Variants in SYT14 observed in about 807,000 individuals in gnomAD.
The protein encoded by SYT14 is synaptotagmin-14.
Under a neutral mutation model 74.2 loss-of-function variants are expected in SYT14, and 32 were observed. That is an observed-to-expected ratio of 0.43 (90% CI 0.33 to 0.58). SYT14 has a LOEUF of 0.58. SYT14 is among the 20% of genes least tolerant of loss of function. The probability of loss-of-function intolerance (pLI) is 0.05; values close to 1 mark genes in which losing one functional copy is unlikely to be tolerated. For missense variants in SYT14, 791 were observed against 981.8 expected (o/e 0.81, Z 2.60); for synonymous variants, 298 against 337.7 (o/e 0.88, Z 1.29).
chr1:210,006,343 T>G (rs1370009865), intron 2 of SYT14, among the ~76,000 whole-genome samples: 4 of 151,992 alleles, frequency 2.6e-5, no homozygotes, highest in African/African-American at 9.6e-5. Flanking sequence ...AAAAGGAAAC[T>G]GAAACATACT....
chr1:210,133,880 T>C (rs1471571293), intron 7 of SYT14, among the ~76,000 whole-genome samples: 1 of 147,030 alleles, frequency 6.8e-6, no homozygotes, highest in Non-Finnish European at 1.5e-5. Context: ...AAGTGTAAAG[T>C]GTGGGGATGG....
At chr1:210,030,209 T>G (rs1010205748) in intron 5 of SYT14, among the ~76,000 whole-genome samples, 5 of 151,978 alleles carry the variant, frequency 3.3e-5, no homozygotes, top group Non-Finnish European at 5.9e-5. Flanking sequence ...TGGTGTGATC[T>G]TGGCTCACTG....
chr1:210,059,088 GAT>G (rs1351569808), intron 5 of SYT14, among the ~76,000 whole-genome samples: 1 of 152,002 alleles, frequency 6.6e-6, no homozygotes, highest in Admixed American at 6.6e-5. Flanking sequence ...TAGAAACTTA[GAT>G]ATAGAGAGGA....
chr1:210,042,508 C>A (rs191268289), intron 5 of SYT14, among the ~76,000 whole-genome samples: 3 of 152,266 alleles, frequency 2.0e-5, no homozygotes, highest in Admixed American at 6.5e-5. Context: ...ACATTTAAAT[C>A]TTTAATCCAT....
intron 2 of SYT14, among the ~76,000 whole-genome samples, chr1:210,000,613 C>CT (rs71146203): frequency 0.028 from 2,929 of 105,408 alleles, 414 homozygotes; most frequent in African/African-American, 0.097. Context: ...TTTATGCCTT[C>CT]TTTTTTTTTT....
At chr1:210,076,784 AACTC>A in intron 5 of SYT14, among the ~76,000 whole-genome samples, 1 of 152,236 alleles carries the variant, frequency 6.6e-6, no homozygotes, top group East Asian at 1.9e-4. Flanking sequence ...ATCTCATGAT[AACTC>A]ACTCACTATC....
At chr1:210,043,813 A>C (rs1052688694) in intron 5 of SYT14, among the ~76,000 whole-genome samples, 2 of 152,122 alleles carry the variant, frequency 1.3e-5, no homozygotes, top group African/African-American at 4.8e-5. Context: ...TGGAGATAGG[A>C]ATCTAATTAT....
chr1:210,023,174 G>A (rs905710062), intron 5 of SYT14, among the ~76,000 whole-genome samples: 8 of 151,946 alleles, frequency 5.3e-5, no homozygotes, highest in Non-Finnish European at 8.8e-5. Context: ...TTTCGTGAAC[G>A]CTTTTTAGCA....
At chr1:210,034,437 A>G (rs1453401091) in intron 5 of SYT14, among the ~76,000 whole-genome samples, 1 of 151,630 alleles carries the variant, frequency 6.6e-6, no homozygotes, top group Non-Finnish European at 1.5e-5. Flanking sequence ...ATATAAATAT[A>G]TATACATATA....
At chr1:209,987,765 A>T (rs2079596334) in intron 2 of SYT14, among the ~76,000 whole-genome samples, 2 of 152,212 alleles carry the variant, frequency 1.3e-5, no homozygotes, top group South Asian at 4.1e-4. Flanking sequence ...AGCGGCTTTT[A>T]TTCTTTCAAT....
rs1393978156 is a variant in SYT14 at position 210,159,474 on chromosome 1, C to T, written c.2278C>T (p.Arg760Ter). Residue 760 changes from arginine to a stop codon, truncating the protein, a stop_gained, in exon 9 of 10, where the codon CGA (arginine) becomes TGA (stop). Coordinates refer to ENST00000637265, the Ensembl canonical transcript of SYT14. LOFTEE classifies it high-confidence loss of function. ...GATAGGTGGACAGGTTTATATAATC[C>T]GAGGTGAGTTCCTGTAGAGGCTAAT... 2 of 1,551,294 alleles carry T rather than the reference C, an allele frequency of 1.3e-6. No individual in the cohort carries two copies. Among genetic ancestry groups the T allele is most frequent in the Non-Finnish European group, 8.7e-7 (1 of 1,146,758 alleles).
intron 5 of SYT14, among the ~76,000 whole-genome samples, chr1:210,088,962 G>A (rs2081803856): frequency 6.6e-6 from 1 of 151,896 alleles, no homozygotes; most frequent in South Asian, 2.1e-4. Context: ...CACGTGCCAT[G>A]GTGGTTTGCT....
chr1:210,106,791 CG>C (rs1458566301), intron 7 of SYT14, among the ~76,000 whole-genome samples: 3 of 152,056 alleles, frequency 2.0e-5, no homozygotes, highest in Admixed American at 1.3e-4. Context: ...TGGCCACCCC[CG>C]CAAATCTCAT....
intron 7 of SYT14, among the ~76,000 whole-genome samples, chr1:210,134,902 A>T (rs2082750553): frequency 6.6e-6 from 1 of 152,148 alleles, no homozygotes; most frequent in South Asian, 2.1e-4. Context: ...AAACTCTGAT[A>T]CATATATATG....
chr1:209,984,129 G>T (rs2079534186), intron 2 of SYT14, among the ~76,000 whole-genome samples: 1 of 152,210 alleles, frequency 6.6e-6, no homozygotes, highest in Non-Finnish European at 1.5e-5. Flanking sequence ...ATCTACATCT[G>T]TTCTTCAGGG....
intron 2 of SYT14, among the ~76,000 whole-genome samples, chr1:209,965,422 G>T (rs184600109): frequency 7.2e-5 from 11 of 152,308 alleles, no homozygotes; most frequent in African/African-American, 1.4e-4. Flanking sequence ...AGTATTCCAT[G>T]ATATATATGT....
chr1:210,001,219 G>A (rs1207314009), intron 2 of SYT14, among the ~76,000 whole-genome samples: 1 of 151,624 alleles, frequency 6.6e-6, no homozygotes, highest in African/African-American at 2.4e-5. Context: ...CCTTTATCAG[G>A]CTAAGTAAGT....
intron 5 of SYT14, among the ~76,000 whole-genome samples, chr1:210,079,952 T>C (rs752526628): frequency 1.3e-5 from 2 of 152,230 alleles, no homozygotes; most frequent in African/African-American, 2.4e-5. Flanking sequence ...TTCAGTATAG[T>C]TGAACAAAGT....
chr1:210,147,967 A>C (rs1273656297), intron 7 of SYT14, among the ~76,000 whole-genome samples: 1 of 152,084 alleles, frequency 6.6e-6, no homozygotes, highest in East Asian at 1.9e-4. Context: ...AGTAGCAAGG[A>C]AGTGCATTTA....
Sources: allele counts gnomAD v4.1 joint callset (sites outside exome capture counted in the v4.1 genomes callset), GRCh38; gene constraint gnomAD v4.1.1; transcripts MANE v1.5; gene names NCBI Gene and HGNC (gene_info 2026-07-23, HGNC 2026-07-21).